Variants in AUH observed in about 807,000 individuals in gnomAD.
The protein encoded by AUH is methylglutaconyl-CoA hydratase, mitochondrial.
AUH carries 29 observed loss-of-function variants against 42.3 expected under a neutral mutation model. The ratio of observed to expected loss-of-function variants is 0.69; its 90% confidence interval spans 0.51 to 0.93. AUH has a LOEUF of 0.93. Ranked by LOEUF, AUH falls within the 40% of genes least tolerant of loss-of-function variation. AUH has a pLI of 0.00. For missense variants in AUH, 452 were observed against 438.1 expected (o/e 1.03, Z -0.28); for synonymous variants, 174 against 166.4 (o/e 1.05, Z -0.35).
chr9:91,279,214 C>T (rs945664418), intron 6 of AUH, among the ~76,000 whole-genome samples: 9 of 152,026 alleles, frequency 5.9e-5, no homozygotes, highest in African/African-American at 2.2e-4. Context: ...TTACAACGTG[C>T]CAGGTAATGA....
intron 3 of AUH, among the ~76,000 whole-genome samples, chr9:91,351,249 G>A (rs1831957316): frequency 6.6e-6 from 1 of 152,146 alleles, no homozygotes; most frequent in African/African-American, 2.4e-5. Context: ...GGGACTACAG[G>A]TGTGAGCCAC....
intron 6 of AUH, among the ~76,000 whole-genome samples, chr9:91,269,011 C>T (rs151288653): frequency 0.025 from 3,774 of 151,620 alleles, 74 homozygotes; most frequent in East Asian, 0.059. Flanking sequence ...GATGGAGTCT[C>T]GCTCTGTCAC....
chr9:91,255,398 C>T (rs1048884013), intron 6 of AUH, among the ~76,000 whole-genome samples: 1 of 152,188 alleles, frequency 6.6e-6, no homozygotes, highest in African/African-American at 2.4e-5. Flanking sequence ...AATATAGTGA[C>T]ATCAAGTATT....
At chr9:91,280,083 G>A (rs1239533821) in intron 6 of AUH, among the ~76,000 whole-genome samples, 3 of 152,108 alleles carry the variant, frequency 2.0e-5, no homozygotes, top group African/African-American at 7.2e-5. Flanking sequence ...GGCACTAGAG[G>A]TTCAAAAAAG....
chr9:91,358,158 T>C (rs2132099631), intron 1 of AUH, among the ~76,000 whole-genome samples: 1 of 152,358 alleles, frequency 6.6e-6, no homozygotes, highest in East Asian at 1.9e-4. Context: ...TGAGGACTGA[T>C]TTAACTGGAA....
At chr9:91,275,926 T>C (rs1825503436) in intron 6 of AUH, among the ~76,000 whole-genome samples, 1 of 152,094 alleles carries the variant, frequency 6.6e-6, no homozygotes, top group Non-Finnish European at 1.5e-5. Flanking sequence ...CTAGTTTCAT[T>C]AGGGTGGGAA....
intron 6 of AUH, among the ~76,000 whole-genome samples, chr9:91,228,437 T>G (rs1346825569): frequency 4.1e-5 from 6 of 147,672 alleles, no homozygotes; most frequent in East Asian, 2.0e-4. Flanking sequence ...ATTTGATTCT[T>G]CTCTCTTTTT....
chr9:91,311,776 A>G (rs938327345), intron 4 of AUH, among the ~76,000 whole-genome samples: 1 of 152,200 alleles, frequency 6.6e-6, no homozygotes, highest in Non-Finnish European at 1.5e-5. Flanking sequence ...GAAGGTGCAC[A>G]CCAGGAAGCC....
chr9:91,246,066 C>A lies in AUH; in HGVS notation c.656-25074G>T, dbSNP rs533193908. Among the ~76,000 whole-genome samples, 3 of 151,986 alleles carry A rather than the reference C, an allele frequency of 2.0e-5. No homozygotes were observed. In the South Asian group the frequency reaches 6.2e-4, roughly 32 times the overall value. Reference sequence around the variant, plus strand: ...ATATGAGCAGATTCGGTGGAGGCAGCCTGGGAAAAGATATTTACAAAGCTG... The same window carrying A: ...ATATGAGCAGATTCGGTGGAGGCAGACTGGGAAAAGATATTTACAAAGCTG... On this transcript the variant is annotated intron_variant, in intron 6 of 9. Coordinates refer to ENST00000375731, the MANE Select transcript of AUH (RefSeq NM_001698.3).
intron 6 of AUH, among the ~76,000 whole-genome samples, chr9:91,251,735 G>A (rs298722): frequency 0.12 from 18,447 of 151,970 alleles, 1,617 homozygotes; most frequent in African/African-American, 0.25. Context: ...GCAACTCTTC[G>A]GATAAATTCT....
intron 4 of AUH, among the ~76,000 whole-genome samples, chr9:91,309,938 T>TG (rs988637256): frequency 2.0e-5 from 3 of 152,138 alleles, no homozygotes; most frequent in Non-Finnish European, 2.9e-5. Flanking sequence ...CCTCAGACTT[T>TG]TTTTTATCTC....
intron 6 of AUH, among the ~76,000 whole-genome samples, chr9:91,244,806 G>A (rs933925544): frequency 6.6e-6 from 1 of 152,142 alleles, no homozygotes; most frequent in Non-Finnish European, 1.5e-5. Context: ...TCAAAGTATT[G>A]TCACTGTACA....
chr9:91,217,776 A>C (rs1411648919), intron 7 of AUH, among the ~76,000 whole-genome samples: 1 of 152,196 alleles, frequency 6.6e-6, no homozygotes, highest in Non-Finnish European at 1.5e-5. Flanking sequence ...CACTGGCTAT[A>C]TTTCCTCCAT....
chr9:91,308,549 T>C (rs1218855380), intron 4 of AUH, among the ~76,000 whole-genome samples: 1 of 152,176 alleles, frequency 6.6e-6, no homozygotes, highest in African/African-American at 2.4e-5. Flanking sequence ...TTCTACCAAT[T>C]AATCTTTCAC....
intron 4 of AUH, among the ~76,000 whole-genome samples, chr9:91,301,822 A>T (rs930929584): frequency 1.3e-5 from 2 of 152,186 alleles, no homozygotes; most frequent in African/African-American, 4.8e-5. Context: ...TTCCACATAC[A>T]AAAAGAACAA....
intron 3 of AUH, among the ~76,000 whole-genome samples, chr9:91,333,988 C>A (rs1830515847): frequency 6.6e-6 from 1 of 152,190 alleles, no homozygotes; most frequent in African/African-American, 2.4e-5. Context: ...ACCTCCAGTT[C>A]AGCCTGAAGA....
intron 3 of AUH, among the ~76,000 whole-genome samples, chr9:91,345,997 A>T (rs1831479013): frequency 6.6e-6 from 1 of 152,236 alleles, no homozygotes; most frequent in South Asian, 2.1e-4. Context: ...CCCCAAAAAA[A>T]GCCACCTGTG....
At chr9:91,294,785 G>A (rs1199126056) in intron 6 of AUH, 1 of 455,232 alleles carries the variant, frequency 2.2e-6, no homozygotes, top group African/African-American at 2.0e-5. Context: ...CAAGACTTCA[G>A]TGGAGGAAGT....
At chr9:91,344,248 G>T (rs1831316343) in intron 3 of AUH, among the ~76,000 whole-genome samples, 1 of 152,136 alleles carries the variant, frequency 6.6e-6, no homozygotes, top group South Asian at 2.1e-4. Flanking sequence ...CTGATTCCAG[G>T]TCTTTAGATA....
Sources: allele counts gnomAD v4.1 joint callset (sites outside exome capture counted in the v4.1 genomes callset), GRCh38; gene constraint gnomAD v4.1.1; transcripts MANE v1.5; gene names NCBI Gene and HGNC (gene_info 2026-07-23, HGNC 2026-07-21).